Variants in BRD4 observed in about 807,000 individuals in gnomAD.
BRD4 encodes bromodomain-containing protein 4.
In BRD4, 16 loss-of-function variants were observed where a neutral mutation model predicts 142.1. That is an observed-to-expected ratio of 0.11 (90% CI 0.08 to 0.17). The LOEUF (loss-of-function observed/expected upper bound fraction) is 0.17. Among genes scored for constraint, BRD4 ranks in the 10% least tolerant of loss-of-function variants. The pLI is 1.00. For synonymous variants in BRD4, 833 were observed against 707.5 expected (o/e 1.18, Z -2.82); for missense variants, 1,424 against 1,810.9 (o/e 0.79, Z 3.88).
In BRD4 at chr19:15,244,476, G is replaced by T; in HGVS notation, c.2336C>A (p.Pro779Gln). Reference protein sequence around the residue: ...PPQQQQQPPPPPPPPSMPQQA... With the variant: ...PPQQQQQPPPQPPPPSMPQQA... ...CTGCGGCATGGAGGGTGGGGGAGGC[G>T]GGGGTGGCGGCTGCTGTTGCTGCTG... Residue 779 changes from proline to glutamine, a missense_variant, in exon 13 of 20, where the codon CCG (proline) becomes CAG (glutamine). Physicochemically the swap from Pro to Gln is moderately conservative, Grantham distance 76. Coordinates refer to ENST00000679869, the MANE Select transcript of BRD4 (RefSeq NM_001379291.1). The T allele has an allele frequency of 6.5e-7, 1 of 1,541,364 alleles. No individual in the cohort carries two copies. Among genetic ancestry groups the T allele is most frequent in the South Asian group, 1.2e-5 (1 of 85,072 alleles).
At chr19:15,332,160 C>T (rs1320380416) in intron 1 of BRD4, 130 bp downstream of exon 1, 2 of 146,520 alleles carry the variant, frequency 1.4e-5, no homozygotes, top group Non-Finnish European at 3.0e-5. Flanking sequence ...CTCCCCGCCC[C>T]CGCGCCGCGC....
At chr19:15,326,012 A>G (rs1249859493) in intron 1 of BRD4, among the ~76,000 whole-genome samples, 1 of 150,316 alleles carries the variant, frequency 6.7e-6, no homozygotes, top group Non-Finnish European at 1.5e-5. Flanking sequence ...AAAAAAAAAA[A>G]AAAAAAGAAA....
chr19:15,287,466 A>C (rs2047748860), intron 1 of BRD4, among the ~76,000 whole-genome samples: 1 of 152,124 alleles, frequency 6.6e-6, no homozygotes, highest in South Asian at 2.1e-4. Context: ...GCTGGTCTCA[A>C]ACTCCTGGGC....
chr19:15,269,169 C>A, intron 2 of BRD4, 127 bp from the exon 3 acceptor site: 1 of 1,010,428 alleles, frequency 9.9e-7, no homozygotes, highest in South Asian at 1.6e-5. Flanking sequence ...GGAGCCACAG[C>A]TCCTACTGGC....
intron 5 of BRD4, 150 bp downstream of exon 5, chr19:15,265,204 G>A (rs2047518903): frequency 2.5e-6 from 2 of 796,400 alleles, no homozygotes; most frequent in Middle Eastern, 3.8e-4. Context: ...TGGGGCGGCT[G>A]TTTCTGGGCT....
At chr19:15,299,531 T>C (rs1301215151) in intron 1 of BRD4, among the ~76,000 whole-genome samples, 1 of 152,192 alleles carries the variant, frequency 6.6e-6, no homozygotes, top group African/African-American at 2.4e-5. Context: ...ATCCCCGCCA[T>C]GGCCAAGCCC....
At chr19:15,311,082 G>A (rs2047966094) in intron 1 of BRD4, among the ~76,000 whole-genome samples, 1 of 151,890 alleles carries the variant, frequency 6.6e-6, no homozygotes, top group African/African-American at 2.4e-5. Context: ...CTTGAGGCCA[G>A]GAGTTTGAGA....
intron 11 of BRD4, chr19:15,247,833 G>A (rs1057462535): frequency 8.6e-6 from 2 of 231,712 alleles, no homozygotes; most frequent in Admixed American, 1.1e-4. Flanking sequence ...TGCCCAGAAA[G>A]GATCAAGAGC....
chr19:15,271,418 C>G (rs1038468410), intron 2 of BRD4, among the ~76,000 whole-genome samples: 1 of 152,128 alleles, frequency 6.6e-6, no homozygotes, highest in Non-Finnish European at 1.5e-5. Flanking sequence ...ATGATCAGGT[C>G]GGAATCCTCA....
intron 1 of BRD4, among the ~76,000 whole-genome samples, chr19:15,298,739 T>A (rs552224187): frequency 2.8e-4 from 42 of 150,336 alleles, no homozygotes; most frequent in Non-Finnish European, 5.3e-4. Context: ...TCCCTAACAC[T>A]TTGAACTAAG....
rs768365682 is a variant in BRD4 at position 15,264,544 on chromosome 19, T to C, written c.1072A>G (p.Ser358Gly). ...GCAAACATCTCCTTGAGGATGCCGC[T>C]GCAGCACTTGAGCTGCTCCGAGACC... ...SKVSEQLKCC[S>G]GILKEMFAKK... The change falls in exon 6 of 20, where the codon AGC (serine) becomes GGC (glycine). Residue 358 changes from serine to glycine, a missense_variant. By Grantham distance (56) the Ser-to-Gly change is moderately conservative. Around this residue, in one of 16 missense-constraint regions of BRD4, gnomAD observed 30 missense variants for 65.2 expected, o/e 0.46. Coordinates refer to ENST00000679869, the MANE Select transcript of BRD4 (RefSeq NM_001379291.1). 1 of 1,614,114 alleles carries C rather than the reference T, an allele frequency of 6.2e-7. No individual in the cohort carries two copies. Among genetic ancestry groups the C allele is most frequent in the East Asian group, 2.2e-5 (1 of 44,886 alleles).
At chr19:15,287,260 G>C (rs1294197752) in intron 1 of BRD4, among the ~76,000 whole-genome samples, 1 of 151,304 alleles carries the variant, frequency 6.6e-6, no homozygotes, top group Non-Finnish European at 1.5e-5. Context: ...TTAAGACACA[G>C]TAAAAACTTT....
chr19:15,265,268 C>G, intron 5 of BRD4, 86 bp downstream of exon 5: 1 of 1,302,584 alleles, frequency 7.7e-7, no homozygotes, highest in Non-Finnish European at 1.0e-6. Context: ...GCCCGGGACC[C>G]AGGACAGGCT....
At chr19:15,302,097 G>A (rs999261017) in intron 1 of BRD4, among the ~76,000 whole-genome samples, 2 of 152,046 alleles carry the variant, frequency 1.3e-5, no homozygotes, top group South Asian at 2.1e-4. Context: ...AACCCAGCAG[G>A]CAGAGGTTGC....
intron 1 of BRD4, among the ~76,000 whole-genome samples, chr19:15,294,809 AGC>A (rs2047810240): frequency 6.6e-6 from 1 of 152,224 alleles, no homozygotes; most frequent in African/African-American, 2.4e-5. Context: ...GGACACAGAC[AGC>A]CAGTGAGGGG....
intron 13 of BRD4, 87 bp from the exon 14 acceptor site, chr19:15,243,574 C>T: frequency 7.0e-7 from 1 of 1,426,478 alleles, no homozygotes; most frequent in South Asian, 1.6e-5. Context: ...CTCATCTGGA[C>T]TCCAGTGCTC....
rs2145599100 is a variant in BRD4 at position 15,264,507 on chromosome 19, G to A, written c.1109C>T (p.Ala370Val). ...CTTGTAGAAGGGCCAGGCGTAGGCG[G>A]CGTGCTTCTTGGCAAACATCTCCTT... ...ILKEMFAKKH[A>V]AYAWPFYKPV... The change falls in exon 6 of 20, where the codon GCC becomes GTC. Residue 370 changes from alanine to valine, a missense_variant. Physicochemically the swap from Ala to Val is moderately conservative, Grantham distance 64. Transcript: ENST00000679869. The A allele has an allele frequency of 6.2e-7, 1 of 1,613,954 alleles. No individual in the cohort carries two copies. Among genetic ancestry groups the A allele is most frequent in the Middle Eastern group, 1.7e-4 (1 of 6,058 alleles).
intron 1 of BRD4, among the ~76,000 whole-genome samples, chr19:15,325,518 C>T (rs944615793): frequency 2.0e-5 from 3 of 152,018 alleles, no homozygotes; most frequent in African/African-American, 7.3e-5. Context: ...CTACTTCTCA[C>T]CACATTAAAA....
intron 1 of BRD4, among the ~76,000 whole-genome samples, chr19:15,328,298 GT>G (rs1318800856): frequency 6.6e-6 from 1 of 152,036 alleles, no homozygotes; most frequent in Non-Finnish European, 1.5e-5. Context: ...AACTTAACAG[GT>G]TTTTATTGAC....
Sources: gnomAD v4.1 joint callset for allele counts (sites outside exome capture counted in the v4.1 genomes callset) on GRCh38, gnomAD v4.1.1 for gene constraint, gnomAD v4.1.1 regional missense constraint, MANE v1.5 for transcripts, NCBI Gene and HGNC (gene_info 2026-07-23, HGNC 2026-07-21) for gene names.